Variants in ROGDI observed in about 807,000 individuals in gnomAD.
ROGDI encodes rogdi atypical leucine zipper.
In ROGDI, 46 loss-of-function variants were observed where a neutral mutation model predicts 43.1. That is an observed-to-expected ratio of 1.07 (90% CI 0.84 to 1.37). The LOEUF is 1.37. Among genes scored for constraint, ROGDI ranks in the 40% most tolerant of loss-of-function variants. The pLI, the probability that ROGDI is intolerant of heterozygous loss-of-function variation, is 0.00. For missense variants in ROGDI, 518 were observed against 383.9 expected (o/e 1.35, Z -2.92); for synonymous variants, 243 against 162.0 (o/e 1.50, Z -3.80).
At position 4,801,286 on chromosome 16, in the gene ROGDI, C is replaced by T; in HGVS notation, c.236G>A (p.Gly79Glu). The T allele has an allele frequency of 6.2e-7, 1 of 1,608,888 alleles. No individual in the cohort carries two copies. Among genetic ancestry groups the T allele is most frequent in the Non-Finnish European group, 8.5e-7 (1 of 1,176,498 alleles). Reference sequence around the variant, plus strand: ...ACTCACCGCCTGGCTGAGGGCATCCCCCTGCAGAGTCAGCACACCCTTCAC... The same window carrying T: ...ACTCACCGCCTGGCTGAGGGCATCCTCCTGCAGAGTCAGCACACCCTTCAC... The part of the protein sequence containing the change: ...DQVKGVLTLQ[G>E]DALSQADVNL... Residue 79 changes from glycine (G) to glutamate (E), a missense_variant, in exon 4 of 11, where the codon GGG (glycine) becomes GAG (glutamate). Gly to Glu is a moderately conservative substitution (Grantham distance 98). Transcript: ENST00000322048.
rs1276652988 is a variant in ROGDI, at chr16:4,800,593, T to C, written c.256-15A>G. The C allele has an allele frequency of 2.6e-6, 4 of 1,553,004 alleles. No homozygotes were observed. The highest frequency in any genetic ancestry group is 1.4e-5 in the African/African-American group (1 of 73,318). ...AGGTTCACATCCTGACAGGCAAGAG[T>C]GGGGTGAGCTGGGCAGTGGGGGGGC... On this transcript the variant is annotated splice_polypyrimidine_tract_variant and intron_variant, in intron 4 of 10. Transcript: ENST00000322048.
rs1247001512 is a variant in ROGDI, at chr16:4,798,748, C to G, written c.433-81G>C. 6.9e-6 allele frequency: 8 copies of G among 1,159,396 alleles called. No individual in the cohort carries two copies. The Admixed American group carries it at 1.1e-4, about 16-fold the overall frequency. 71.8% of individuals were successfully genotyped at this position (1,159,396 alleles called of 1,614,324 possible). A position where few individuals can be genotyped will look rare whatever the true frequency, so the allele number is the denominator to read the frequency against. ...AACAACAGACATGGTAGCTCCCACT[C>G]CCACCCAGCCCAGTGGCTACTGTTC... On this transcript the variant is annotated intron_variant, in intron 6 of 10. Transcript: ENST00000322048.
Position 4,801,175 on chromosome 16 carries a change from CCA to C in ROGDI, c.255+90_255+91del, listed in dbSNP as rs764652391. ...AGGCCAGAGAGATCAAGGGTCCCGCCCAGAGTCGCAGGGCTTGTACAGAGAGA... is the reference window on the plus strand; with the variant it reads ...AGGCCAGAGAGATCAAGGGTCCCGCCGAGTCGCAGGGCTTGTACAGAGAGA... On this transcript the variant is annotated intron_variant, in intron 4 of 10. Transcript: ENST00000322048. 4 of 1,091,852 alleles carry C rather than the reference CCA, an allele frequency of 3.7e-6. No individual in the cohort carries two copies. The East Asian group carries it at 9.9e-5, about 27-fold the overall frequency. The allele number at this position is 1,091,852 out of a possible 1,614,324, so 67.6% of individuals were successfully genotyped here. A position where few individuals can be genotyped will look rare whatever the true frequency, so the allele number is the denominator to read the frequency against.
chr16:4,799,850 GC>G, intron 5 of ROGDI, 69 bp from the exon 6 acceptor site: 1 of 1,095,860 alleles, frequency 9.1e-7, no homozygotes, highest in East Asian at 2.6e-5. Flanking sequence ...AGTGGGTGCT[GC>G]CTGCCTGCCC....
chr16:4,800,160 C>T (rs367856854), intron 5 of ROGDI, among the ~76,000 whole-genome samples: 1 of 152,138 alleles, frequency 6.6e-6, no homozygotes, highest in Admixed American at 6.5e-5. Context: ...GGAGCATGGG[C>T]CTCATCCCCA....
intron 2 of ROGDI, chr16:4,802,173 C>G: frequency 1.5e-6 from 1 of 650,808 alleles, no homozygotes; most frequent in Non-Finnish European, 2.8e-6. Flanking sequence ...CAGGCCCTTG[C>G]TAGCACCCTC....
Position 4,798,761 on chromosome 16 carries a change from G to C in ROGDI, c.433-94C>G, listed in dbSNP as rs2082684823. 2.9e-6 allele frequency: 3 copies of C among 1,051,800 alleles called. No homozygotes were observed. In the South Asian group the frequency reaches 4.2e-5, roughly 15 times the overall value. The allele number at this position is 1,051,800 out of a possible 1,614,324, so 65.2% of individuals were successfully genotyped here. On this transcript the variant is annotated intron_variant, in intron 6 of 10. Coordinates refer to ENST00000322048, the MANE Select transcript of ROGDI (RefSeq NM_024589.3). ...GTAGCTCCCACTCCCACCCAGCCCA[G>C]TGGCTACTGTTCCCAGGTCCCGAAA...
At chr16:4,799,212 G>A (rs1202284845) in intron 6 of ROGDI, among the ~76,000 whole-genome samples, 1 of 152,118 alleles carries the variant, frequency 6.6e-6, no homozygotes, top group African/African-American at 2.4e-5. Flanking sequence ...TGGCTCCCAG[G>A]AAACACGTAA....
intron 2 of ROGDI, 165 bp downstream of exon 2, chr16:4,802,214 ACTT>A: frequency 3.0e-6 from 2 of 669,298 alleles, no homozygotes; most frequent in Non-Finnish European, 5.3e-6. Context: ...GCACACAGGT[ACTT>A]ATATAATGAG....
intron 7 of ROGDI, 95 bp from the exon 8 acceptor site, chr16:4,798,279 C>A (rs1312672400): frequency 1.2e-5 from 12 of 1,020,982 alleles, no homozygotes; most frequent in Non-Finnish European, 1.6e-5. Flanking sequence ...TGCAGGGGAT[C>A]CCAGTCCCCA....
At chr16:4,798,811 A>G in intron 6 of ROGDI, 144 bp from the exon 7 acceptor site, 2 of 672,714 alleles carry the variant, frequency 3.0e-6, no homozygotes, top group Admixed American at 2.8e-5. Context: ...CCTGTTAAAG[A>G]CAGGTAGTTG....
rs776782383 is a variant in ROGDI at position 4,801,471 on chromosome 16, A to G, written c.200+32T>C. 4.4e-6 allele frequency: 7 copies of G among 1,586,450 alleles called. No homozygotes were observed. The African/African-American group carries it at 8.1e-5, about 18-fold the overall frequency. On this transcript the variant is annotated intron_variant, in intron 3 of 10. Coordinates refer to ENST00000322048, the MANE Select transcript of ROGDI (RefSeq NM_024589.3). ...ATGCCTCCTACCCCCCAAGGTACCCATTTCCCCGGTTTCCGCCTAGCCCAG... is the reference window on the plus strand; with the variant it reads ...ATGCCTCCTACCCCCCAAGGTACCCGTTTCCCCGGTTTCCGCCTAGCCCAG...
intron 5 of ROGDI, 28 bp from the exon 6 acceptor site, chr16:4,799,809 C>G (rs751474464): frequency 1.3e-6 from 2 of 1,547,418 alleles, no homozygotes; most frequent in South Asian, 2.3e-5. Context: ...CCAGAGGGGT[C>G]ACGCCAGCTT....
At chr16:4,802,301 C>G (rs1226459340) in intron 2 of ROGDI, 81 bp downstream of exon 2, 24 of 1,311,528 alleles carry the variant, frequency 1.8e-5, no homozygotes, top group Non-Finnish European at 2.4e-5. Flanking sequence ...GCTCAGGACG[C>G]AGCCGCGCGG....
intron 8 of ROGDI, 22 bp downstream of exon 8, chr16:4,798,049 C>CCGGG (rs2082675162): frequency 1.2e-6 from 2 of 1,613,294 alleles, no homozygotes; most frequent in East Asian, 4.5e-5. Flanking sequence ...GGGCAGTGGG[C>CCGGG]CGGGCAGGGG....
chr16:4,799,048 G>T (rs1001255188), intron 6 of ROGDI, among the ~76,000 whole-genome samples: 2 of 152,122 alleles, frequency 1.3e-5, no homozygotes, highest in Non-Finnish European at 2.9e-5. Context: ...ACTGGGTTGA[G>T]GTTTTCAGGG....
chr16:4,801,414 A>T, intron 3 of ROGDI, 89 bp downstream of exon 3: 4 of 1,557,022 alleles, frequency 2.6e-6, no homozygotes, highest in Non-Finnish European at 3.5e-6. Flanking sequence ...CCCATCGCAC[A>T]ACCAGCTGGT....
Position 4,797,711 on chromosome 16 carries a change from C to A in ROGDI, c.822+3G>T, listed in dbSNP as rs1281866957. On this transcript the variant is annotated splice_donor_region_variant and intron_variant, in intron 10 of 10. Coordinates refer to ENST00000322048, the MANE Select transcript of ROGDI (RefSeq NM_024589.3). ...CTAATGAAGGCGCTCGGCCCGGGCC[C>A]ACCTTGTCCTTGAGCTGCTGGCAGA... 2 of 1,237,366 alleles carry A rather than the reference C, an allele frequency of 1.6e-6. No individual in the cohort carries two copies. The highest frequency in any genetic ancestry group is 5.7e-5 in the African/African-American group (2 of 35,216). The allele number at this position is 1,237,366 out of a possible 1,614,324, so 76.6% of individuals were successfully genotyped here.
At position 4,797,120 on chromosome 16, in the gene ROGDI, C is replaced by T; in HGVS notation, c.*340G>A. On this transcript the variant is annotated 3_prime_UTR_variant, in exon 11 of 11. Transcript: ENST00000322048. ...CTCAGTGCCACCCCCCGACACCATG[C>T]CCTCCAGGGGGAGGGGACAGCGAAG... The T allele has an allele frequency of 3.4e-6, 1 of 294,014 alleles. No individual in the cohort carries two copies. The highest frequency in any genetic ancestry group is 7.3e-5 in the East Asian group (1 of 13,784). 18.2% of individuals were successfully genotyped at this position (294,014 alleles called of 1,614,324 possible). A position where few individuals can be genotyped will look rare whatever the true frequency, so the allele number is the denominator to read the frequency against.
Sources: allele counts gnomAD v4.1 joint callset (sites outside exome capture counted in the v4.1 genomes callset), GRCh38; gene constraint gnomAD v4.1.1; transcripts MANE v1.5; gene names NCBI Gene and HGNC (gene_info 2026-07-23, HGNC 2026-07-21).